Variants in MEGF10 observed in about 807,000 individuals in gnomAD.
MEGF10 encodes the protein multiple epidermal growth factor-like domains protein 10.
In MEGF10, 86 loss-of-function variants were observed where a neutral mutation model predicts 147.5. The observed-to-expected ratio is 0.58, with a 90% CI of 0.49 to 0.70. The LOEUF (loss-of-function observed/expected upper bound fraction) is 0.70, where lower values mean the gene tolerates loss of function less well. MEGF10 is among the 30% of genes least tolerant of loss of function. The probability of loss-of-function intolerance (pLI) is 0.00; values close to 1 mark genes in which losing one functional copy is unlikely to be tolerated. For missense variants in MEGF10, 1,329 were observed against 1,487.3 expected, an observed-to-expected ratio of 0.89 and a Z score of 1.75; for synonymous variants, 478 against 525.5, an observed-to-expected ratio of 0.91 and a Z score of 1.24.
At chr5:127,443,434 T>C (rs1254362721) in intron 19 of MEGF10, among the ~76,000 whole-genome samples, 1 of 152,182 alleles carries the variant, frequency 6.6e-6, no homozygotes, top group African/African-American at 2.4e-5. Flanking sequence ...GGTCTATGAT[T>C]TTTTTTCAGC....
intron 22 of MEGF10, among the ~76,000 whole-genome samples, chr5:127,449,540 G>A (rs748425207): frequency 9.9e-5 from 15 of 152,124 alleles, no homozygotes; most frequent in Non-Finnish European, 1.8e-4. Flanking sequence ...GGGTACTATT[G>A]TTATCACCAT....
At chr5:127,294,696 G>T (rs1483049006) in intron 1 of MEGF10, among the ~76,000 whole-genome samples, 4 of 151,912 alleles carry the variant, frequency 2.6e-5, no homozygotes, top group Non-Finnish European at 5.9e-5. Flanking sequence ...CTACTTGGGA[G>T]GCTGAGGCAC....
chr5:127,269,329 A>G, the MEGF10 span, among the ~76,000 whole-genome samples: 3 of 152,224 alleles, frequency 2.0e-5, no homozygotes, highest in Admixed American at 2.0e-4. Context: ...CAAAGAAGTT[A>G]AAAACCTCGA....
intron 5 of MEGF10, among the ~76,000 whole-genome samples, chr5:127,374,379 C>T (rs1215613919): frequency 6.6e-6 from 1 of 152,182 alleles, no homozygotes; most frequent in East Asian, 1.9e-4. Flanking sequence ...AGGGCACATA[C>T]CCATTTTTGT....
At chr5:127,349,713 A>G (rs1287798425) in intron 4 of MEGF10, among the ~76,000 whole-genome samples, 3 of 151,764 alleles carry the variant, frequency 2.0e-5, no homozygotes, top group Non-Finnish European at 2.9e-5. Context: ...AGGCTACACA[A>G]TATTTTTTCT....
intron 4 of MEGF10, among the ~76,000 whole-genome samples, chr5:127,356,931 T>C (rs1040708769): frequency 3.9e-5 from 6 of 152,212 alleles, no homozygotes; most frequent in Non-Finnish European, 7.4e-5. Context: ...TTACTCCCTA[T>C]ACCCTCTTCC....
intron 5 of MEGF10, among the ~76,000 whole-genome samples, chr5:127,389,448 C>T (rs931224993): frequency 6.6e-6 from 1 of 152,118 alleles, no homozygotes; most frequent in South Asian, 2.1e-4. Flanking sequence ...ATAAATTGTT[C>T]CAACATAAAG....
At chr5:127,314,077 G>A (rs1279035050) in intron 1 of MEGF10, among the ~76,000 whole-genome samples, 3 of 152,106 alleles carry the variant, frequency 2.0e-5, no homozygotes, top group Non-Finnish European at 2.9e-5. Context: ...TCACTTCAGG[G>A]ATTGTTTCTC....
intron 5 of MEGF10, among the ~76,000 whole-genome samples, chr5:127,394,869 A>G (rs528719061): frequency 9.9e-5 from 15 of 152,230 alleles, no homozygotes; most frequent in Non-Finnish European, 1.9e-4. Context: ...GTTTATTAAA[A>G]TACTAATGAG....
chr5:127,445,335 A>T, intron 19 of MEGF10, 122 bp from the exon 20 acceptor site: 1 of 752,380 alleles, frequency 1.3e-6, no homozygotes, highest in Non-Finnish European at 2.3e-6. Flanking sequence ...TCTGTTTCCA[A>T]ATTAATGTTT....
intron 1 of MEGF10, among the ~76,000 whole-genome samples, chr5:127,306,431 A>G (rs1236510272): frequency 6.6e-6 from 1 of 152,146 alleles, no homozygotes; most frequent in African/African-American, 2.4e-5. Context: ...AAAACAAGCA[A>G]CTTCCCAATC....
At chr5:127,440,625 T>G in intron 17 of MEGF10, 114 bp from the exon 18 acceptor site, 6 of 1,104,268 alleles carry the variant, frequency 5.4e-6, no homozygotes, top group Non-Finnish European at 7.9e-6. Context: ...TTCACTGTAT[T>G]CTCTGATGGC....
At chr5:127,442,332 C>T (rs966411892) in intron 18 of MEGF10, among the ~76,000 whole-genome samples, 3 of 152,146 alleles carry the variant, frequency 2.0e-5, no homozygotes, top group African/African-American at 7.2e-5. Context: ...TATTTTGTCA[C>T]GAAGATTTTT....
At chr5:127,294,656 G>A (rs940472081) in intron 1 of MEGF10, among the ~76,000 whole-genome samples, 6 of 152,076 alleles carry the variant, frequency 3.9e-5, no homozygotes, top group Non-Finnish European at 7.4e-5. Context: ...AGAATTAGCC[G>A]TGAGTGGTAG....
At position 127,290,855 on chromosome 5, in the gene MEGF10, C is replaced by T. The variant is rs781578594; in HGVS notation, c.-220C>T. The T allele has an allele frequency of 4.6e-5, 7 of 152,114 alleles. No homozygotes were observed. The highest frequency in any genetic ancestry group is 1.2e-4 in the African/African-American group (5 of 41,394). 9.4% of individuals were successfully genotyped at this position (152,114 alleles called of 1,614,324 possible). On this transcript the variant is annotated 5_prime_UTR_variant, in exon 1 of 25. Transcript: ENST00000503335. ...TACTTTCCCGGTGCGCAAAACTGGG[C>T]GACTGGGAACGCGTTGAGACGTTCC...
chr5:127,408,352 C>G (rs530599188), intron 8 of MEGF10, among the ~76,000 whole-genome samples: 4 of 152,180 alleles, frequency 2.6e-5, no homozygotes, highest in Non-Finnish European at 5.9e-5. Flanking sequence ...CCTTTTGGAA[C>G]TGACTTGCAA....
chr5:127,422,037 A>G (rs1765030750), intron 12 of MEGF10, among the ~76,000 whole-genome samples: 1 of 149,890 alleles, frequency 6.7e-6, no homozygotes. Context: ...AAAAGCTCTA[A>G]AATTATAGTT....
chr5:127,461,149 G>A lies in MEGF10; in HGVS notation c.*3831G>A, dbSNP rs566823894. 3 of 152,178 alleles carry A rather than the reference G, an allele frequency of 2.0e-5. No homozygotes were observed. Among genetic ancestry groups the A allele is most frequent in the East Asian group, 1.9e-4 (1 of 5,182 alleles). The allele number at this position is 152,178 out of a possible 1,614,324, so 9.4% of individuals were successfully genotyped here. ...TTTCCAAAGATGATAAACTTTCATC[G>A]TTCTTAGCCTACATTGTCATTTATA... is the stretch of plus-strand genomic sequence containing the variant. On this transcript the variant is annotated 3_prime_UTR_variant, in exon 25 of 25. Transcript: ENST00000503335.
chr5:127,270,652 C>T, the MEGF10 span, among the ~76,000 whole-genome samples: 5 of 152,168 alleles, frequency 3.3e-5, no homozygotes, highest in South Asian at 8.3e-4. Flanking sequence ...TAACACCCCA[C>T]TGTCAACATT....
Sources: allele counts gnomAD v4.1 joint callset (sites outside exome capture counted in the v4.1 genomes callset), GRCh38; gene constraint gnomAD v4.1.1; transcripts MANE v1.5; gene names NCBI Gene and HGNC (gene_info 2026-07-23, HGNC 2026-07-21).